METTL15: variants seen among roughly 807,000 people sequenced by gnomAD.
METTL15 encodes the protein methyltransferase 15, mitochondrial 12S rRNA N4-cytidine.
A neutral mutation model predicts 38.3 loss-of-function variants in METTL15; 34 were observed. The observed-to-expected ratio is 0.89, with a 90% confidence interval of 0.68 to 1.18. The LOEUF is 1.18. Ranked by LOEUF, METTL15 falls within the 50% of genes most tolerant of loss-of-function variation. METTL15 has a pLI of 0.00. For missense variants in METTL15, 438 were observed against 498.4 expected, an observed-to-expected ratio of 0.88 and a Z score of 1.15; for synonymous variants, 162 against 170.9, an observed-to-expected ratio of 0.95 and a Z score of 0.41.
intron 5 of METTL15, among the ~76,000 whole-genome samples, chr11:28,369,182 C>A (rs1348215744): frequency 1.3e-5 from 2 of 151,060 alleles, no homozygotes; most frequent in Non-Finnish European, 3.0e-5. Flanking sequence ...TTAGTGAAGT[C>A]CGACAAAAAC....
At chr11:28,344,194 G>C (rs144671218) in intron 3 of METTL15, among the ~76,000 whole-genome samples, 106 of 152,200 alleles carry the variant, frequency 7.0e-4, no homozygotes, top group African/African-American at 2.4e-3. Context: ...CTCTCTGTAG[G>C]ATGACCAAGC....
At chr11:28,481,338 T>G (rs1269329379) in intron 6 of METTL15, among the ~76,000 whole-genome samples, 1 of 152,230 alleles carries the variant, frequency 6.6e-6, no homozygotes, top group Non-Finnish European at 1.5e-5. Context: ...AAAAGTGTTT[T>G]AAGCCGCTGA....
At position 28,174,437 on chromosome 11, in the gene METTL15, T is replaced by C. The variant is rs942221030; in HGVS notation, c.271-36625T>C. Reference sequence around the variant, plus strand: ...CAACCCTATTTGGAATTTACTGTAATATGCAGCATTATTTCAAATTTATTA... The same window carrying C: ...CAACCCTATTTGGAATTTACTGTAACATGCAGCATTATTTCAAATTTATTA... On this transcript the variant is annotated intron_variant, in intron 3 of 6. Coordinates refer to ENST00000407364, the MANE Select transcript of METTL15 (RefSeq NM_001113528.2). Among the ~76,000 whole-genome samples, 5 of 152,324 alleles carry C rather than the reference T, an allele frequency of 3.3e-5. No individual in the cohort carries two copies. In the South Asian group the frequency reaches 1.0e-3, roughly 32 times the overall value.
At chr11:28,404,442 G>T (rs189057761) in intron 5 of METTL15, among the ~76,000 whole-genome samples, 49 of 152,100 alleles carry the variant, frequency 3.2e-4, no homozygotes, top group Middle Eastern at 6.8e-3. Flanking sequence ...CTTACTTCCT[G>T]GTTTATAGGT....
downstream of METTL15, among the ~76,000 whole-genome samples, chr11:28,529,569 T>C (rs1277680584): frequency 8.0e-6 from 1 of 125,042 alleles, no homozygotes; most frequent in East Asian, 2.6e-4. Context: ...AATTGAGGAA[T>C]ACACTTGTCC....
chr11:28,342,253 T>A (rs1849959445), intron 3 of METTL15, among the ~76,000 whole-genome samples: 1 of 151,828 alleles, frequency 6.6e-6, no homozygotes, highest in Non-Finnish European at 1.5e-5. Context: ...TCTATTTTTT[T>A]ATTTTTATTT....
chr11:28,161,027 A>T (rs1035840716), intron 3 of METTL15, among the ~76,000 whole-genome samples: 1 of 152,120 alleles, frequency 6.6e-6, no homozygotes, highest in Non-Finnish European at 1.5e-5. Flanking sequence ...AAATAAAAGC[A>T]AAGTAAATCA....
At chr11:28,434,465 T>G (rs1850963976) in intron 6 of METTL15, among the ~76,000 whole-genome samples, 1 of 152,260 alleles carries the variant, frequency 6.6e-6, no homozygotes, top group Admixed American at 6.5e-5. Context: ...ATTCTCATAT[T>G]GGTAGTCACC....
chr11:28,507,938 G>T (rs918571929), intron 6 of METTL15, among the ~76,000 whole-genome samples: 1 of 151,850 alleles, frequency 6.6e-6, no homozygotes, highest in Non-Finnish European at 1.5e-5. Flanking sequence ...TGTAAATCAG[G>T]TCACCCAACT....
chr11:28,379,818 T>C (rs1850361834), intron 5 of METTL15, among the ~76,000 whole-genome samples: 1 of 152,206 alleles, frequency 6.6e-6, no homozygotes, highest in African/African-American at 2.4e-5. Flanking sequence ...TGTTGAACGT[T>C]CTGCTATTAT....
intron 4 of METTL15, among the ~76,000 whole-genome samples, chr11:28,245,378 T>G (rs1854467768): frequency 6.6e-6 from 1 of 152,174 alleles, no homozygotes; most frequent in African/African-American, 2.4e-5. Flanking sequence ...CAAAACCTGC[T>G]GTACACAGCC....
chr11:28,277,128 G>C (rs944416232), intron 4 of METTL15, among the ~76,000 whole-genome samples: 1 of 152,108 alleles, frequency 6.6e-6, no homozygotes, highest in Non-Finnish European at 1.5e-5. Context: ...TTGAATGGGA[G>C]AAAATATTTA....
Position 28,332,419 on chromosome 11 carries a change from A to G in METTL15, c.*1578A>G, listed in dbSNP as rs1849840478. ...AGAAAAGATCACATTTGTATATTCA[A>G]CAATCTTTCACCTATTTCATAAGTC... On this transcript the variant is annotated 3_prime_UTR_variant, in exon 7 of 7. Coordinates refer to ENST00000407364, the MANE Select transcript of METTL15 (RefSeq NM_001113528.2). 1 of 152,112 alleles carries G rather than the reference A, an allele frequency of 6.6e-6. No individual in the cohort carries two copies. Among genetic ancestry groups the G allele is most frequent in the Non-Finnish European group, 1.5e-5 (1 of 68,022 alleles). The allele number at this position is 152,112 out of a possible 1,614,324, so 9.4% of individuals were successfully genotyped here. A position where few individuals can be genotyped will look rare whatever the true frequency, so the allele number is the denominator to read the frequency against.
intron 6 of METTL15, among the ~76,000 whole-genome samples, chr11:28,426,428 C>T (rs538599232): frequency 1.7e-4 from 26 of 152,042 alleles, no homozygotes; most frequent in African/African-American, 6.0e-4. Flanking sequence ...ATATTCCTTT[C>T]AGTATATACC....
At chr11:28,396,281 T>C (rs576422475) in intron 5 of METTL15, among the ~76,000 whole-genome samples, 1 of 152,220 alleles carries the variant, frequency 6.6e-6, no homozygotes, top group East Asian at 1.9e-4. Context: ...GCGTATTCAA[T>C]TAGGAAAAGA....
At chr11:28,398,846 A>G (rs1321785056) in intron 5 of METTL15, 1 of 152,050 alleles carries the variant, frequency 6.6e-6, no homozygotes, top group Non-Finnish European at 1.5e-5. Context: ...TATAGAAAGA[A>G]TCAATATTGT....
intron 5 of METTL15, among the ~76,000 whole-genome samples, chr11:28,368,760 C>T (rs1850214030): frequency 6.6e-6 from 1 of 152,066 alleles, no homozygotes; most frequent in Non-Finnish European, 1.5e-5. Context: ...ACCCAAATGT[C>T]CATCAATAAT....
At chr11:28,492,888 T>C (rs1277233162) in intron 6 of METTL15, among the ~76,000 whole-genome samples, 3 of 152,120 alleles carry the variant, frequency 2.0e-5, no homozygotes, top group Non-Finnish European at 2.9e-5. Context: ...GAAGTAGGCA[T>C]ATTATTTGGT....
intron 3 of METTL15, among the ~76,000 whole-genome samples, chr11:28,117,253 G>GTT (rs1323585013): frequency 5.1e-5 from 3 of 59,156 alleles, no homozygotes; most frequent in Non-Finnish European, 1.2e-4. Flanking sequence ...GTGTGTGTGT[G>GTT]TGTGTGTATA....
Sources: gnomAD v4.1 joint callset for allele counts (sites outside exome capture counted in the v4.1 genomes callset) on GRCh38, gnomAD v4.1.1 for gene constraint, MANE v1.5 for transcripts, NCBI Gene and HGNC (gene_info 2026-07-23, HGNC 2026-07-21) for gene names.